Variants in THSD7A observed in about 807,000 individuals in gnomAD.
The protein encoded by THSD7A is thrombospondin type-1 domain-containing protein 7A.
A neutral mutation model predicts 231.3 loss-of-function variants in THSD7A; 96 were observed. The ratio of observed to expected loss-of-function variants is 0.41; its 90% CI spans 0.35 to 0.49. THSD7A has a LOEUF of 0.49. Ranked by LOEUF, THSD7A falls within the 20% of genes least tolerant of loss-of-function variation. THSD7A has a pLI of 0.05. For synonymous variants in THSD7A, 940 were observed against 743.3 expected (o/e 1.26, Z -4.30); for missense variants, 2,290 against 2,070.2 (o/e 1.11, Z -2.06).
chr7:11,487,865 G>A (rs1200192868), intron 6 of THSD7A, among the ~76,000 whole-genome samples: 1 of 152,118 alleles, frequency 6.6e-6, no homozygotes, highest in Non-Finnish European at 1.5e-5. Context: ...GTGAGATTTG[G>A]GTGGGGACAC....
chr7:11,805,124 T>A (rs1213451827), intron 1 of THSD7A, among the ~76,000 whole-genome samples: 1 of 152,130 alleles, frequency 6.6e-6, no homozygotes, highest in Non-Finnish European at 1.5e-5. Flanking sequence ...TGTCCCTGAG[T>A]ACCCAGCTTT....
At chr7:11,669,084 AC>A (rs1783270810) in intron 1 of THSD7A, among the ~76,000 whole-genome samples, 1 of 152,124 alleles carries the variant, frequency 6.6e-6, no homozygotes, top group South Asian at 2.1e-4. Flanking sequence ...TAACCCACAT[AC>A]CATTATATAT....
At position 11,782,849 on chromosome 7, in the gene THSD7A, G is replaced by C. The variant is rs147780606; in HGVS notation, c.190+48908C>G. Among the ~76,000 whole-genome samples, 272 of 152,202 alleles carry C rather than the reference G, an allele frequency of 1.8e-3. 2 individuals carry two copies. The highest frequency in any genetic ancestry group is 6.2e-3 in the African/African-American group (258 of 41,558). The stretch of plus-strand genomic sequence containing the variant: ...TTTGGAATACTTTGTTATAGCATTT[G>C]CTGAAAGTATATACATTTTCTATTT... On this transcript the variant is annotated intron_variant, in intron 1 of 27. Coordinates refer to ENST00000423059, the MANE Select transcript of THSD7A (RefSeq NM_015204.3).
chr7:11,442,447 G>T (rs1784835852), intron 13 of THSD7A, among the ~76,000 whole-genome samples: 1 of 151,988 alleles, frequency 6.6e-6, no homozygotes, highest in African/African-American at 2.4e-5. Context: ...TTGAATAGGG[G>T]ATTATTGTCA....
At chr7:11,547,483 C>T (rs548842340) in intron 4 of THSD7A, among the ~76,000 whole-genome samples, 3 of 152,108 alleles carry the variant, frequency 2.0e-5, no homozygotes, top group South Asian at 2.1e-4. Context: ...CTAAACTTCA[C>T]GCTTGATCAA....
intron 7 of THSD7A, among the ~76,000 whole-genome samples, chr7:11,479,141 T>C (rs1389849808): frequency 1.3e-5 from 2 of 152,202 alleles, no homozygotes; most frequent in Non-Finnish European, 2.9e-5. Flanking sequence ...TGTAGCTAAA[T>C]TTCCATGAGG....
intron 2 of THSD7A, among the ~76,000 whole-genome samples, chr7:11,635,305 G>A (rs1049299358): frequency 6.6e-6 from 1 of 152,000 alleles, no homozygotes; most frequent in Non-Finnish European, 1.5e-5. Flanking sequence ...AAATATTTCT[G>A]AAAAAGCAAT....
chr7:11,707,310 T>C (rs914307864), intron 1 of THSD7A, among the ~76,000 whole-genome samples: 5 of 150,940 alleles, frequency 3.3e-5, no homozygotes, highest in African/African-American at 9.7e-5. Flanking sequence ...TTGCAAGATA[T>C]TTTTGCCCTT....
At chr7:11,393,580 G>A (rs967305600) in intron 23 of THSD7A, among the ~76,000 whole-genome samples, 4 of 152,156 alleles carry the variant, frequency 2.6e-5, no homozygotes, top group Admixed American at 6.5e-5. Flanking sequence ...AAAGGAACAC[G>A]TTCTAACAAA....
chr7:11,492,837 C>A (rs16876850), intron 6 of THSD7A, among the ~76,000 whole-genome samples: 1 of 151,916 alleles, frequency 6.6e-6, no homozygotes. Flanking sequence ...AACACAAAAA[C>A]TTTGAACCGT....
intron 17 of THSD7A, among the ~76,000 whole-genome samples, chr7:11,414,837 G>T (rs1783906805): frequency 6.6e-6 from 1 of 152,194 alleles, no homozygotes; most frequent in Non-Finnish European, 1.5e-5. Context: ...TAAAGGTCTT[G>T]TTCGTTTCTG....
chr7:11,554,177 T>C (rs1181310155), intron 4 of THSD7A, among the ~76,000 whole-genome samples: 1 of 152,012 alleles, frequency 6.6e-6, no homozygotes, highest in African/African-American at 2.4e-5. Context: ...AATCTCAGAA[T>C]ATATCCTTAT....
Position 11,632,208 on chromosome 7 carries a change from A to T in THSD7A, c.1022+3922T>A, listed in dbSNP as rs1232655911. Among the ~76,000 whole-genome samples the T allele has an allele frequency of 6.6e-6, 1 of 152,190 alleles. No individual in the cohort carries two copies. The highest frequency in any genetic ancestry group is 6.5e-5 in the Admixed American group (1 of 15,268). ...TCTATTTTTCCCTTATAAATTTCACAGTAACAATGTACAGTTGGTATATTT... is the reference window on the plus strand; with the variant it reads ...TCTATTTTTCCCTTATAAATTTCACTGTAACAATGTACAGTTGGTATATTT... On this transcript the variant is annotated intron_variant, in intron 2 of 27. Transcript: ENST00000423059. The surrounding 1 kb of genome is among the most constrained non-coding windows in gnomAD (Gnocchi z 4.1).
At chr7:11,612,289 A>T (rs1780959668) in intron 2 of THSD7A, among the ~76,000 whole-genome samples, 1 of 152,174 alleles carries the variant, frequency 6.6e-6, no homozygotes, top group Admixed American at 6.5e-5. Flanking sequence ...CCACCAAAGT[A>T]ATCATCCCAG....
chr7:11,747,884 C>T (rs994297736), intron 1 of THSD7A, among the ~76,000 whole-genome samples: 7 of 151,920 alleles, frequency 4.6e-5, no homozygotes, highest in Admixed American at 2.0e-4. Flanking sequence ...TATAAAAAGG[C>T]ACAATGATAT....
chr7:11,587,460 G>C (rs952297458), intron 4 of THSD7A, among the ~76,000 whole-genome samples: 1 of 152,146 alleles, frequency 6.6e-6, no homozygotes, highest in Non-Finnish European at 1.5e-5. Flanking sequence ...GCTAAGAGCA[G>C]TGCAATAATA....
chr7:11,408,254 A>T (rs2115374479), intron 19 of THSD7A, among the ~76,000 whole-genome samples: 1 of 152,282 alleles, frequency 6.6e-6, no homozygotes, highest in South Asian at 2.1e-4. Flanking sequence ...CATGCCTGTA[A>T]TCCCAGCACT....
chr7:11,514,037 C>G (rs940756554), intron 6 of THSD7A, among the ~76,000 whole-genome samples: 4 of 152,140 alleles, frequency 2.6e-5, no homozygotes, highest in South Asian at 4.2e-4. Flanking sequence ...ACCTCAATGT[C>G]TTTGCACTGG....
intron 18 of THSD7A, among the ~76,000 whole-genome samples, chr7:11,412,189 C>T (rs1411631128): frequency 6.6e-6 from 1 of 152,112 alleles, no homozygotes; most frequent in Non-Finnish European, 1.5e-5. Context: ...TTTTTACCTG[C>T]ACCTTTTATA....
Sources: allele counts gnomAD v4.1 joint callset (sites outside exome capture counted in the v4.1 genomes callset), GRCh38; gene constraint gnomAD v4.1.1; non-coding constraint Gnocchi (gnomAD v3.1); transcripts MANE v1.5; gene names NCBI Gene and HGNC (gene_info 2026-07-23, HGNC 2026-07-21).